EYS: variants seen among roughly 807,000 people sequenced by gnomAD.
EYS encodes the protein protein eyes shut homolog.
A neutral mutation model predicts 282.1 loss-of-function variants in EYS; 250 were observed. The observed-to-expected ratio is 0.89, with a 90% CI of 0.80 to 0.98. EYS has a LOEUF of 0.98. EYS is among the 50% of genes least tolerant of loss of function. The probability of loss-of-function intolerance (pLI) is 0.00; values close to 1 mark genes in which losing one functional copy is unlikely to be tolerated. For synonymous variants in EYS, 1,355 were observed against 1,282.9 expected, an observed-to-expected ratio of 1.06 and a Z score of -1.20; for missense variants, 4,016 against 3,709.0, an observed-to-expected ratio of 1.08 and a Z score of -2.15.
intron 18 of EYS, 142 bp downstream of exon 18, chr6:64,901,971 G>A: frequency 1.7e-6 from 1 of 596,830 alleles, no homozygotes; most frequent in East Asian, 3.0e-5. Flanking sequence ...GATTGGATGG[G>A]ACAAATGAGG....
intron 33 of EYS, among the ~76,000 whole-genome samples, chr6:64,059,141 C>T (rs968128143): frequency 6.6e-6 from 1 of 151,966 alleles, no homozygotes; most frequent in Non-Finnish European, 1.5e-5. Context: ...TCTGTTGTCC[C>T]CTGATAAATT....
intron 29 of EYS, among the ~76,000 whole-genome samples, chr6:64,332,048 T>C (rs750800881): frequency 6.6e-6 from 1 of 152,138 alleles, no homozygotes; most frequent in African/African-American, 2.4e-5. Flanking sequence ...ACGCAGATGT[T>C]AAAAATCAAA....
intron 33 of EYS, among the ~76,000 whole-genome samples, chr6:64,005,848 A>G (rs1180616636): frequency 6.6e-6 from 1 of 152,074 alleles, no homozygotes; most frequent in African/African-American, 2.4e-5. Context: ...TTGTACAAGT[A>G]CCATGCTGTT....
intron 22 of EYS, among the ~76,000 whole-genome samples, chr6:64,711,404 C>T (rs1771208186): frequency 6.6e-6 from 1 of 152,038 alleles, no homozygotes; most frequent in African/African-American, 2.4e-5. Flanking sequence ...TTGTTACTAA[C>T]TTTCTTTAAT....
chr6:64,557,857 T>C (rs1765279575), intron 26 of EYS, among the ~76,000 whole-genome samples: 1 of 151,430 alleles, frequency 6.6e-6, no homozygotes, highest in Admixed American at 6.6e-5. Flanking sequence ...GCTGCTTTCA[T>C]ACTACAATGT....
intron 2 of EYS, among the ~76,000 whole-genome samples, chr6:65,624,758 T>C (rs751639410): frequency 3.3e-5 from 5 of 152,208 alleles, no homozygotes; most frequent in Admixed American, 6.5e-5. Context: ...CTGCAAGTTC[T>C]TCAGCTTTGG....
chr6:64,000,035 G>GAT (rs1768006138), intron 33 of EYS, among the ~76,000 whole-genome samples: 4 of 151,744 alleles, frequency 2.6e-5, no homozygotes, highest in African/African-American at 7.3e-5. Flanking sequence ...TGAGAGTGTG[G>GAT]GTGATTTCAT....
At chr6:63,858,255 T>G (rs948928345) in intron 36 of EYS, among the ~76,000 whole-genome samples, 14 of 152,300 alleles carry the variant, frequency 9.2e-5, no homozygotes, top group Admixed American at 5.2e-4. Context: ...GATTTTACTG[T>G]AAATTATTTG....
intron 22 of EYS, among the ~76,000 whole-genome samples, chr6:64,715,085 A>G (rs1044603821): frequency 6.6e-6 from 1 of 151,646 alleles, no homozygotes; most frequent in African/African-American, 2.4e-5. Flanking sequence ...TTATCCATGG[A>G]CTGGGGGTGA....
intron 2 of EYS, among the ~76,000 whole-genome samples, chr6:65,608,364 C>T (rs1765875709): frequency 6.6e-6 from 1 of 151,884 alleles, no homozygotes; most frequent in Admixed American, 6.6e-5. Context: ...GGGCACTTGC[C>T]ACAAATAGAA....
rs560245741 is a variant in EYS at position 64,532,784 on chromosome 6, T to G, written c.5644+57439A>C. ...TTATTTACTACAATGTTTGTGATTC[T>G]TTCCCACACAACGTTCAACATATAA... On this transcript the variant is annotated intron_variant, in intron 26 of 42. Coordinates refer to ENST00000503581, the MANE Select transcript of EYS (RefSeq NM_001142800.2). 5.3e-5 allele frequency among the ~76,000 whole-genome samples: 8 copies of G among 152,276 alleles called. No individual in the cohort carries two copies. The South Asian group carries it at 1.7e-3, about 32-fold the overall frequency.
chr6:63,786,570 A>G (rs1273883681), intron 39 of EYS, among the ~76,000 whole-genome samples: 1 of 152,088 alleles, frequency 6.6e-6, no homozygotes, highest in East Asian at 1.9e-4. Context: ...GCCTTAGGAC[A>G]AATACCTAAT....
At chr6:64,168,048 G>T (rs1410790153) in intron 31 of EYS, among the ~76,000 whole-genome samples, 1 of 152,168 alleles carries the variant, frequency 6.6e-6, no homozygotes, top group Non-Finnish European at 1.5e-5. Context: ...GGATCACGAG[G>T]TGAGGAGATC....
chr6:64,800,626 G>C (rs1187328642), intron 22 of EYS, among the ~76,000 whole-genome samples: 2 of 140,614 alleles, frequency 1.4e-5, no homozygotes, highest in African/African-American at 5.3e-5. Context: ...TTCCTGTCTT[G>C]TTTTTGCATT....
chr6:64,336,942 C>G (rs549404786), intron 29 of EYS, among the ~76,000 whole-genome samples: 2 of 152,012 alleles, frequency 1.3e-5, no homozygotes, highest in South Asian at 2.1e-4. Context: ...AATGACGACA[C>G]AACCTACCAA....
chr6:65,584,235 T>C (rs939893151), intron 2 of EYS, among the ~76,000 whole-genome samples: 3 of 152,068 alleles, frequency 2.0e-5, no homozygotes, highest in Non-Finnish European at 4.4e-5. Context: ...TGCTGGATGA[T>C]TTTGCATCCC....
chr6:65,349,529 C>G (rs73744319), intron 9 of EYS, among the ~76,000 whole-genome samples: 1,730 of 151,516 alleles, frequency 0.011, 33 homozygotes, highest in African/African-American at 0.039. Flanking sequence ...ACAGATGAAA[C>G]TGTATGTATC....
intron 26 of EYS, among the ~76,000 whole-genome samples, chr6:64,560,006 T>G (rs1021189412): frequency 6.6e-6 from 1 of 152,086 alleles, no homozygotes; most frequent in African/African-American, 2.4e-5. Flanking sequence ...GTGAGAACAT[T>G]CACGTACCAC....
At chr6:65,438,868 A>G (rs1768191827) in intron 5 of EYS, among the ~76,000 whole-genome samples, 2 of 151,956 alleles carry the variant, frequency 1.3e-5, no homozygotes, top group Non-Finnish European at 2.9e-5. Context: ...ATTAGATCCC[A>G]TTTGTCAATT....
Sources: allele counts gnomAD v4.1 joint callset (sites outside exome capture counted in the v4.1 genomes callset), GRCh38; gene constraint gnomAD v4.1.1; transcripts MANE v1.5; gene names NCBI Gene and HGNC (gene_info 2026-07-23, HGNC 2026-07-21).